Variants in WIPF1 observed in about 807,000 individuals in gnomAD.
WIPF1 encodes WAS/WASL-interacting protein family member 1.
Under a neutral mutation model 35.4 loss-of-function variants are expected in WIPF1, and 13 were observed. The observed-to-expected ratio is 0.37, with a 90% confidence interval of 0.24 to 0.58. The LOEUF is 0.58. Ranked by LOEUF, WIPF1 falls within the 20% of genes least tolerant of loss-of-function variation. WIPF1 has a pLI of 0.74. For missense variants in WIPF1, 591 were observed against 667.0 expected (o/e 0.89, Z 1.25); for synonymous variants, 267 against 266.3 (o/e 1.00, Z -0.02).
rs1684722941 is a variant in WIPF1, at chr2:174,568,125, C to G, written c.1130-52G>C. The G allele has an allele frequency of 3.2e-6, 5 of 1,557,298 alleles. No individual in the cohort carries two copies. The Admixed American group carries it at 9.3e-5, about 29-fold the overall frequency. On this transcript the variant is annotated intron_variant, in intron 5 of 7. Transcript: ENST00000679041. Reference sequence around the variant, plus strand: ...AGAACCTTACATCCACATTCCATTACCGTGGTCACCATTGGTGTACAGCTG... The same window carrying G: ...AGAACCTTACATCCACATTCCATTAGCGTGGTCACCATTGGTGTACAGCTG...
intron 1 of WIPF1, among the ~76,000 whole-genome samples, chr2:174,675,941 CA>C: frequency 8.9e-6 from 1 of 112,510 alleles, no homozygotes; most frequent in East Asian, 2.5e-4. Context: ...TTTTTGCTTT[CA>C]TTTTATTTAT....
intron 1 of WIPF1, among the ~76,000 whole-genome samples, chr2:174,589,978 G>C (rs1328906196): frequency 6.6e-6 from 1 of 152,178 alleles, no homozygotes; most frequent in Non-Finnish European, 1.5e-5. Context: ...CCAACACTTT[G>C]GGTGGTCAAG....
intron 1 of WIPF1, among the ~76,000 whole-genome samples, chr2:174,662,216 T>C (rs1329810175): frequency 1.3e-5 from 2 of 152,222 alleles, no homozygotes; most frequent in African/African-American, 2.4e-5. Context: ...GTAAATGCTA[T>C]GAAAACGGTT....
intron 1 of WIPF1, among the ~76,000 whole-genome samples, chr2:174,615,385 G>A (rs994058011): frequency 1.3e-5 from 2 of 152,050 alleles, no homozygotes; most frequent in African/African-American, 4.8e-5. Flanking sequence ...CACTATAAAT[G>A]TAGCATGGTT....
At chr2:174,603,936 T>G (rs1166202864) in intron 1 of WIPF1, among the ~76,000 whole-genome samples, 1 of 152,176 alleles carries the variant, frequency 6.6e-6, no homozygotes, top group Admixed American at 6.5e-5. Flanking sequence ...ATTTGAAAGA[T>G]ATTTATTTAC....
chr2:174,681,316 C>T (rs1688240697), intron 1 of WIPF1, among the ~76,000 whole-genome samples: 1 of 152,160 alleles, frequency 6.6e-6, no homozygotes. Flanking sequence ...CCCCGAGAAA[C>T]TCAGCCTTGT....
At chr2:174,587,760 C>T (rs916737417) in intron 1 of WIPF1, 1 of 152,220 alleles carries the variant, frequency 6.6e-6, no homozygotes, top group Admixed American at 6.5e-5. Flanking sequence ...TGAAGCAATT[C>T]ATTCAGTCAT....
chr2:174,608,497 GTTTTTTTCTTT>G (rs1686244337), intron 1 of WIPF1, among the ~76,000 whole-genome samples: 1 of 151,962 alleles, frequency 6.6e-6, no homozygotes, highest in Admixed American at 6.6e-5. Context: ...GACCATTCAT[GTTTTTTTCTTT>G]TTTTTTTCTA....
At chr2:174,599,852 C>T (rs1238565169), upstream of WIPF1, among the ~76,000 whole-genome samples, 2 of 151,404 alleles carry the variant, frequency 1.3e-5, no homozygotes, top group African/African-American at 4.9e-5. Context: ...AGTACACATA[C>T]CATTCATGGC....
At chr2:174,682,164 C>T (rs890453364) in intron 1 of WIPF1, among the ~76,000 whole-genome samples, 7 of 152,232 alleles carry the variant, frequency 4.6e-5, no homozygotes, top group Admixed American at 1.3e-4. Context: ...AAGCACTGAC[C>T]GGGACTGGAG....
intron 1 of WIPF1, among the ~76,000 whole-genome samples, chr2:174,624,041 C>A (rs1686751498): frequency 6.6e-6 from 1 of 151,850 alleles, no homozygotes; most frequent in African/African-American, 2.4e-5. Flanking sequence ...AAAAAAAAAA[C>A]ATGTGGTACT....
At chr2:174,603,975 A>G (rs571252262) in intron 1 of WIPF1, among the ~76,000 whole-genome samples, 1 of 152,260 alleles carries the variant, frequency 6.6e-6, no homozygotes, top group Non-Finnish European at 1.5e-5. Context: ...TTTAAGAAAC[A>G]TATAAAAACA....
At chr2:174,675,916 G>C (rs1400809951) in intron 1 of WIPF1, among the ~76,000 whole-genome samples, 2 of 84,526 alleles carry the variant, frequency 2.4e-5, no homozygotes, top group South Asian at 1.1e-3. Context: ...GATGTTACCC[G>C]ATTTCTTTTT....
At chr2:174,638,605 CTTTTT>C (rs879535543) in intron 1 of WIPF1, among the ~76,000 whole-genome samples, 1 of 147,330 alleles carries the variant, frequency 6.8e-6, no homozygotes, top group African/African-American at 2.5e-5. Context: ...TGATATCAAC[CTTTTT>C]TTTTTTAAGA....
In WIPF1 at chr2:174,622,640, A is replaced by G. The variant is rs909465433; in HGVS notation, c.-38-37029T>C. ...CTCTCCTATGAGCAGGCTGATGGTCACTGCTACCCACTGGTTGTCTTTCAG... is the reference window on the plus strand; with the variant it reads ...CTCTCCTATGAGCAGGCTGATGGTCGCTGCTACCCACTGGTTGTCTTTCAG... On this transcript the variant is annotated intron_variant, in intron 1 of 8. Transcript: ENST00000272746. This position sits in a 1 kb window ranked among gnomAD's most constrained non-coding sequence, Gnocchi z 5.1. Among the ~76,000 whole-genome samples, 4 of 152,210 alleles carry G rather than the reference A, an allele frequency of 2.6e-5. No homozygotes were observed. Among genetic ancestry groups the G allele is most frequent in the African/African-American group, 9.7e-5 (4 of 41,448 alleles).
intron 1 of WIPF1, among the ~76,000 whole-genome samples, chr2:174,663,094 C>T (rs188504820): frequency 2.6e-5 from 4 of 152,270 alleles, no homozygotes; most frequent in East Asian, 3.9e-4. Context: ...CCAAGAATTA[C>T]GGTCAGGAGT....
At chr2:174,562,880 T>C (rs1330186939) in intron 7 of WIPF1, among the ~76,000 whole-genome samples, 1 of 152,190 alleles carries the variant, frequency 6.6e-6, no homozygotes. Flanking sequence ...TTATTATAGA[T>C]TTAGAAAATA....
At chr2:174,618,191 G>C (rs1359548022) in intron 1 of WIPF1, among the ~76,000 whole-genome samples, 1 of 152,172 alleles carries the variant, frequency 6.6e-6, no homozygotes, top group African/African-American at 2.4e-5. Context: ...CTAGAGCTGG[G>C]CTCACCCCAA....
In WIPF1 at chr2:174,562,564, G is replaced by T. The variant is rs1382285077; in HGVS notation, c.1495C>A (p.Pro499Thr). 1 of 1,614,162 alleles carries T rather than the reference G, an allele frequency of 6.2e-7. No individual in the cohort carries two copies. Among genetic ancestry groups the T allele is most frequent in the Non-Finnish European group, 8.5e-7 (1 of 1,180,026 alleles). The change falls in exon 8 of 8, where the codon CCT becomes ACT. Residue 499 changes from proline to threonine, a missense_variant. Around this residue, in one of 3 missense-constraint regions of WIPF1, gnomAD observed 117 missense variants for 149.6 expected, o/e 0.78. Transcript: ENST00000679041. ...GGCAAAGATCACCTCGGGATGGGAG[G>T]GAGTGGTGGAGCACCCCTTTCTCTT... ...NRRERGAPPLPPIPR is the reference protein window; with the variant it reads ...NRRERGAPPLTPIPR
Sources: gnomAD v4.1 joint callset for allele counts (sites outside exome capture counted in the v4.1 genomes callset) on GRCh38, gnomAD v4.1.1 for gene constraint, gnomAD v4.1.1 regional missense constraint, Gnocchi (gnomAD v3.1) non-coding constraint, MANE v1.5 for transcripts, NCBI Gene and HGNC (gene_info 2026-07-23, HGNC 2026-07-21) for gene names.